THRB: variants seen among roughly 807,000 people sequenced by gnomAD.
THRB encodes nuclear receptor subfamily 1 group A member 2.
A neutral mutation model predicts 47.8 loss-of-function variants in THRB; 12 were observed. The ratio of observed to expected loss-of-function variants is 0.25; its 90% CI spans 0.16 to 0.41. THRB has a LOEUF of 0.41. Ranked by LOEUF, THRB falls within the 10% of genes least tolerant of loss-of-function variation. The probability of loss-of-function intolerance (pLI) is 1.00; values close to 1 mark genes in which losing one functional copy is unlikely to be tolerated. For missense variants in THRB, 348 were observed against 589.2 expected (o/e 0.59, Z 4.24); for synonymous variants, 218 against 212.2 (o/e 1.03, Z -0.24).
chr3:24,124,731 G>A (rs779177209), intron 10 of THRB, among the ~76,000 whole-genome samples: 3 of 152,168 alleles, frequency 2.0e-5, no homozygotes, highest in Non-Finnish European at 4.4e-5. Flanking sequence ...TCTTGGAAAA[G>A]TCTTTGAAGA....
chr3:24,488,992 A>G (rs558957477), intron 1 of THRB, among the ~76,000 whole-genome samples: 12 of 152,300 alleles, frequency 7.9e-5, no homozygotes, highest in African/African-American at 9.6e-5. Context: ...GTGGTGGTTC[A>G]TGCCTGTAAT....
chr3:24,237,937 T>C (rs965254994), intron 3 of THRB: 3 of 151,936 alleles, frequency 2.0e-5, no homozygotes, highest in African/African-American at 7.3e-5. Flanking sequence ...CCAAATAAGG[T>C]AGTGATAGAA....
chr3:24,328,214 C>A lies in THRB; in HGVS notation c.-189+9086G>T, dbSNP rs543847200. On this transcript the variant is annotated intron_variant, in intron 2 of 10. Transcript: ENST00000646209. ...CACAACGTCTTGTAAAATAATTTTCCTATATTTATCAATAGCCTTTATTTT... is the reference window on the plus strand; with the variant it reads ...CACAACGTCTTGTAAAATAATTTTCATATATTTATCAATAGCCTTTATTTT... Among the ~76,000 whole-genome samples the A allele has an allele frequency of 2.0e-5, 3 of 152,222 alleles. 1 individual carries two copies. The South Asian group carries it at 6.2e-4, about 32-fold the overall frequency.
At chr3:24,152,243 C>A in intron 6 of THRB, 147 bp downstream of exon 6, 1 of 576,656 alleles carries the variant, frequency 1.7e-6, no homozygotes, top group Non-Finnish European at 3.2e-6. Context: ...AAATGAAGAG[C>A]ACAACCAGAC....
At chr3:24,166,142 TTTA>T (rs1403567099) in intron 5 of THRB, among the ~76,000 whole-genome samples, 1 of 152,166 alleles carries the variant, frequency 6.6e-6, no homozygotes, top group Non-Finnish European at 1.5e-5. Context: ...GCAAGTGAGT[TTTA>T]TTCTGTTCCT....
intron 3 of THRB, among the ~76,000 whole-genome samples, chr3:24,284,696 A>G (rs1235613949): frequency 6.7e-6 from 1 of 149,482 alleles, no homozygotes; most frequent in African/African-American, 2.6e-5. Context: ...ACAAAGGGCT[A>G]ATATCCAGAA....
chr3:24,168,489 TAA>T (rs1491403022), intron 5 of THRB, among the ~76,000 whole-genome samples: 16 of 114,312 alleles, frequency 1.4e-4, no homozygotes, highest in South Asian at 2.7e-4. Context: ...TTTCAATCAA[TAA>T]TATATATATA....
chr3:24,184,089 G>C (rs1026602848), intron 5 of THRB, among the ~76,000 whole-genome samples: 3 of 149,288 alleles, frequency 2.0e-5, no homozygotes, highest in African/African-American at 7.4e-5. Flanking sequence ...GACTTTTAAC[G>C]TTATAAATGG....
chr3:24,154,919 A>T (rs891129717), intron 5 of THRB, among the ~76,000 whole-genome samples: 1 of 152,216 alleles, frequency 6.6e-6, no homozygotes, highest in Non-Finnish European at 1.5e-5. Flanking sequence ...ATGAGAACCA[A>T]TTGTGATACA....
intron 8 of THRB, among the ~76,000 whole-genome samples, chr3:24,136,733 T>G (rs2148931559): frequency 6.6e-6 from 1 of 152,356 alleles, no homozygotes; most frequent in Admixed American, 6.5e-5. Flanking sequence ...AGCCTGCTTT[T>G]TGCCTCTGTG....
At chr3:24,270,464 A>C (rs1174470019) in intron 3 of THRB, among the ~76,000 whole-genome samples, 1 of 152,228 alleles carries the variant, frequency 6.6e-6, no homozygotes, top group Non-Finnish European at 1.5e-5. Flanking sequence ...TTGCCATTTA[A>C]TCAAGTGAGC....
intron 1 of THRB, among the ~76,000 whole-genome samples, chr3:24,398,701 C>T (rs1166046901): frequency 6.6e-6 from 1 of 152,084 alleles, no homozygotes; most frequent in African/African-American, 2.4e-5. Context: ...CTAGAAATAC[C>T]ATTTGACCCA....
intron 5 of THRB, among the ~76,000 whole-genome samples, chr3:24,178,137 A>T (rs919930283): frequency 6.6e-6 from 1 of 152,226 alleles, no homozygotes; most frequent in African/African-American, 2.4e-5. Flanking sequence ...TTTAGAAAAT[A>T]TACTTTCTTC....
rs932321923 is a variant in THRB at position 24,157,844 on chromosome 3, T to G, written c.284-5354A>C. ...CAGTGCTCAGCCTATTTTTTAATTTTTAGGGCCAGGTTTGGGCATAGTATA... is the reference window on the plus strand; with the variant it reads ...CAGTGCTCAGCCTATTTTTTAATTTGTAGGGCCAGGTTTGGGCATAGTATA... On this transcript the variant is annotated intron_variant, in intron 5 of 10. Coordinates refer to ENST00000646209, the MANE Select transcript of THRB (RefSeq NM_001354712.2). Among the ~76,000 whole-genome samples the G allele has an allele frequency of 2.0e-5, 3 of 152,218 alleles. No homozygotes were observed. In the East Asian group the frequency reaches 5.8e-4, roughly 29 times the overall value.
intron 3 of THRB, among the ~76,000 whole-genome samples, chr3:24,276,809 G>A (rs1230067862): frequency 1.3e-5 from 2 of 152,216 alleles, no homozygotes; most frequent in Non-Finnish European, 2.9e-5. Flanking sequence ...AGGGAAAGTC[G>A]TATGTGCTCA....
intron 1 of THRB, among the ~76,000 whole-genome samples, chr3:24,452,599 C>T (rs1398352670): frequency 6.6e-6 from 1 of 152,106 alleles, no homozygotes; most frequent in African/African-American, 2.4e-5. Flanking sequence ...AAACATGCTT[C>T]CTTCCACTTT....
At chr3:24,457,703 CT>C (rs1193307892) in intron 1 of THRB, among the ~76,000 whole-genome samples, 2 of 152,110 alleles carry the variant, frequency 1.3e-5, no homozygotes, top group Non-Finnish European at 2.9e-5. Flanking sequence ...AAAAATAGGA[CT>C]GTTTTAATAT....
At chr3:24,447,464 T>C (rs970395024) in intron 1 of THRB, among the ~76,000 whole-genome samples, 1 of 152,150 alleles carries the variant, frequency 6.6e-6, no homozygotes, top group African/African-American at 2.4e-5. Context: ...GAGGGTTTGA[T>C]CTCAGAGGGA....
At chr3:24,291,990 T>C (rs975157196) in intron 3 of THRB, among the ~76,000 whole-genome samples, 3 of 152,156 alleles carry the variant, frequency 2.0e-5, no homozygotes, top group African/African-American at 7.2e-5. Context: ...AACAGAAGAC[T>C]CAGTAAATAA....
Sources: allele counts gnomAD v4.1 joint callset (sites outside exome capture counted in the v4.1 genomes callset), GRCh38; gene constraint gnomAD v4.1.1; transcripts MANE v1.5; gene names NCBI Gene and HGNC (gene_info 2026-07-23, HGNC 2026-07-21).